NKAIN3: variants seen among roughly 807,000 people sequenced by gnomAD.
The protein encoded by NKAIN3 is sodium/potassium transporting ATPase interacting 3, also known as sodium/potassium-transporting ATPase subunit beta-1-interacting protein 3.
A neutral mutation model predicts 30.2 loss-of-function variants in NKAIN3; 25 were observed. The ratio of observed to expected loss-of-function variants is 0.83; its 90% CI spans 0.60 to 1.16. NKAIN3 has a LOEUF of 1.16. Ranked by LOEUF, NKAIN3 falls within the 50% of genes most tolerant of loss-of-function variation. The pLI is 0.00. For missense variants in NKAIN3, 225 were observed against 254.1 expected (o/e 0.89, Z 0.78); for synonymous variants, 91 against 89.6 (o/e 1.02, Z -0.09).
intron 1 of NKAIN3, among the ~76,000 whole-genome samples, chr8:62,559,638 T>G (rs974757186): frequency 6.6e-6 from 1 of 152,170 alleles, no homozygotes; most frequent in East Asian, 1.9e-4. Flanking sequence ...TCTTTCAGTG[T>G]TATTGTTTTA....
At chr8:62,608,514 C>T (rs1210411071) in intron 3 of NKAIN3, among the ~76,000 whole-genome samples, 5 of 152,268 alleles carry the variant, frequency 3.3e-5, no homozygotes, top group Admixed American at 2.6e-4. Flanking sequence ...AGGCTTCCCT[C>T]GCTTGGCCGT....
At chr8:62,859,492 A>G (rs1316992255) in intron 4 of NKAIN3, among the ~76,000 whole-genome samples, 1 of 139,794 alleles carries the variant, frequency 7.2e-6, no homozygotes, top group African/African-American at 2.6e-5. Context: ...AACTTTTTCT[A>G]TACTCTTACT....
At chr8:62,593,282 A>G (rs1041790132) in intron 3 of NKAIN3, among the ~76,000 whole-genome samples, 15 of 152,004 alleles carry the variant, frequency 9.9e-5, no homozygotes, top group African/African-American at 3.6e-4. Flanking sequence ...TTAATAATTC[A>G]CAAATCAAAG....
chr8:62,732,787 GTATAAT>G (rs1345904131), intron 3 of NKAIN3, among the ~76,000 whole-genome samples: 1 of 151,894 alleles, frequency 6.6e-6, no homozygotes, highest in Admixed American at 6.6e-5. Context: ...TCTGATACTA[GTATAAT>G]TATATCACAT....
At chr8:62,847,889 C>T (rs945398336) in intron 4 of NKAIN3, among the ~76,000 whole-genome samples, 1 of 152,138 alleles carries the variant, frequency 6.6e-6, no homozygotes, top group African/African-American at 2.4e-5. Flanking sequence ...TTTTAATTTT[C>T]TGCATATGGC....
chr8:62,260,220 A>C (rs1352081599), intron 1 of NKAIN3, among the ~76,000 whole-genome samples: 1 of 152,092 alleles, frequency 6.6e-6, no homozygotes, highest in African/African-American at 2.4e-5. Context: ...TAGTATAATA[A>C]GAGTTTGCAT....
chr8:62,898,532 G>T (rs1821507912), intron 4 of NKAIN3, among the ~76,000 whole-genome samples: 1 of 152,042 alleles, frequency 6.6e-6, no homozygotes, highest in Non-Finnish European at 1.5e-5. Flanking sequence ...GATACAGAGT[G>T]GTATAGTGGA....
At chr8:62,367,658 T>C (rs7014811) in intron 1 of NKAIN3, among the ~76,000 whole-genome samples, 126,459 of 152,128 alleles carry the variant, frequency 0.83, 52,807 homozygotes, top group South Asian at 0.88. Context: ...AACTGCAAGT[T>C]TTCTTTTTAA....
At chr8:62,538,620 T>TA (rs1201206855) in intron 1 of NKAIN3, among the ~76,000 whole-genome samples, 2 of 152,204 alleles carry the variant, frequency 1.3e-5, no homozygotes, top group African/African-American at 4.8e-5. Flanking sequence ...TCTTGTGGGA[T>TA]TTCATGTTAT....
chr8:62,259,129 G>T lies in NKAIN3; in HGVS notation c.54+10002G>T, dbSNP rs150376599. ...ATTGTGCAGATGATATGCAATGGGA[G>T]AATAAATATATTACTTATTTTTAAA... On this transcript the variant is annotated intron_variant, in intron 1 of 6. Transcript: ENST00000623646. Among the ~76,000 whole-genome samples the T allele has an allele frequency of 1.9e-3, 283 of 152,190 alleles. 1 individual carries two copies. The highest frequency in any genetic ancestry group is 6.4e-3 in the African/African-American group (266 of 41,510).
intron 4 of NKAIN3, among the ~76,000 whole-genome samples, chr8:62,779,800 A>C (rs1192865293): frequency 6.6e-6 from 1 of 152,184 alleles, no homozygotes; most frequent in Non-Finnish European, 1.5e-5. Flanking sequence ...TAGAAATCAA[A>C]ACAGTGGTAA....
chr8:62,965,446 G>A lies in NKAIN3; in HGVS notation c.*39G>A, dbSNP rs1823684016. 16 of 985,646 alleles carry A rather than the reference G, an allele frequency of 1.6e-5. No individual in the cohort carries two copies. Among genetic ancestry groups the A allele is most frequent in the Non-Finnish European group, 1.8e-5 (15 of 829,888 alleles). 61.1% of individuals were successfully genotyped at this position (985,646 alleles called of 1,614,324 possible). On this transcript the variant is annotated 3_prime_UTR_variant, in exon 7 of 7. Transcript: ENST00000623646. ...ATTGACTGCGCGCCTCGGTGGATCC[G>A]ACCCGCCTGACATTCCTTCCAGAGG...
chr8:62,627,597 AAACT>A (rs1219471494), intron 3 of NKAIN3, among the ~76,000 whole-genome samples: 4 of 152,116 alleles, frequency 2.6e-5, no homozygotes, highest in Non-Finnish European at 5.9e-5. Context: ...AGACCTGATA[AAACT>A]GTTCATCAAG....
chr8:62,909,158 G>A (rs1237372984), intron 4 of NKAIN3, among the ~76,000 whole-genome samples: 1 of 152,164 alleles, frequency 6.6e-6, no homozygotes, highest in Non-Finnish European at 1.5e-5. Context: ...ACCTACAGGT[G>A]TGAAACCTAA....
chr8:62,909,025 C>T (rs991845933), intron 4 of NKAIN3, among the ~76,000 whole-genome samples: 1 of 151,940 alleles, frequency 6.6e-6, no homozygotes, highest in Admixed American at 6.6e-5. Flanking sequence ...TTTTTTAATC[C>T]CTCTATTTCA....
chr8:62,484,710 G>T (rs1301369848), intron 1 of NKAIN3, among the ~76,000 whole-genome samples: 3 of 152,106 alleles, frequency 2.0e-5, no homozygotes, highest in African/African-American at 7.2e-5. Flanking sequence ...ATTCTGCATG[G>T]GATTTCTTCT....
chr8:62,660,996 G>T (rs947967105), intron 3 of NKAIN3, among the ~76,000 whole-genome samples: 1 of 152,210 alleles, frequency 6.6e-6, no homozygotes, highest in African/African-American at 2.4e-5. Context: ...AATGGCAGGG[G>T]TTGATACACA....
intron 2 of NKAIN3, among the ~76,000 whole-genome samples, chr8:62,585,519 C>T (rs1810441556): frequency 6.6e-6 from 1 of 152,094 alleles, no homozygotes. Flanking sequence ...ACAATTTTTC[C>T]AGAGGTTGGG....
intron 1 of NKAIN3, among the ~76,000 whole-genome samples, chr8:62,573,631 A>G (rs1810016133): frequency 6.6e-6 from 1 of 151,998 alleles, no homozygotes; most frequent in Non-Finnish European, 1.5e-5. Context: ...TAGTGTACAG[A>G]TTCTTACCTA....
Sources: gnomAD v4.1 joint callset for allele counts (sites outside exome capture counted in the v4.1 genomes callset) on GRCh38, gnomAD v4.1.1 for gene constraint, MANE v1.5 for transcripts, NCBI Gene and HGNC (gene_info 2026-07-23, HGNC 2026-07-21) for gene names.